Variants in MPPED2 observed in about 807,000 individuals in gnomAD.
MPPED2 encodes the protein metallophosphoesterase domain containing 2, also known as metallophosphoesterase MPPED2.
In MPPED2, 5 loss-of-function variants were observed where a neutral mutation model predicts 33.0. That is an observed-to-expected ratio of 0.15 (90% CI 0.08 to 0.32). The LOEUF is 0.32. MPPED2 is among the 10% of genes least tolerant of loss of function. MPPED2 has a pLI of 1.00. For synonymous variants in MPPED2, 136 were observed against 141.9 expected (o/e 0.96, Z 0.29); for missense variants, 275 against 372.1 (o/e 0.74, Z 2.15).
chr11:30,504,247 C>A (rs112824857), intron 3 of MPPED2, among the ~76,000 whole-genome samples: 3 of 152,098 alleles, frequency 2.0e-5, no homozygotes, highest in Non-Finnish European at 2.9e-5. Context: ...ACTTTTGAAG[C>A]CTCTCTATTT....
intron 4 of MPPED2, among the ~76,000 whole-genome samples, chr11:30,452,748 T>C (rs1312185022): frequency 1.3e-5 from 2 of 152,148 alleles, no homozygotes; most frequent in Non-Finnish European, 2.9e-5. Context: ...AGATATTCTG[T>C]CTAGCAGTGT....
chr11:30,447,120 C>T (rs926330801), intron 4 of MPPED2, among the ~76,000 whole-genome samples: 2 of 152,158 alleles, frequency 1.3e-5, no homozygotes, highest in African/African-American at 2.4e-5. Context: ...GGTAGACAGG[C>T]GGCTGTTTGT....
At chr11:30,489,862 T>C (rs1017180653) in intron 4 of MPPED2, among the ~76,000 whole-genome samples, 1 of 152,018 alleles carries the variant, frequency 6.6e-6, no homozygotes, top group Non-Finnish European at 1.5e-5. Context: ...CGGTGCAATA[T>C]AGACCTTTCA....
intron 3 of MPPED2, among the ~76,000 whole-genome samples, chr11:30,506,099 G>A (rs578248528): frequency 2.0e-5 from 3 of 152,078 alleles, no homozygotes; most frequent in African/African-American, 4.8e-5. Context: ...GTGCAGTGGC[G>A]CGATTTCAGT....
downstream of MPPED2, among the ~76,000 whole-genome samples, chr11:30,406,256 C>T (rs1947987394): frequency 1.3e-5 from 2 of 152,186 alleles, no homozygotes; most frequent in Non-Finnish European, 2.9e-5. Context: ...GCTACAAAAT[C>T]ACACTATGTC....
intron 2 of MPPED2, among the ~76,000 whole-genome samples, chr11:30,565,747 T>C (rs967570552): frequency 6.6e-6 from 1 of 152,212 alleles, no homozygotes; most frequent in African/African-American, 2.4e-5. Context: ...TTCTGTGCCA[T>C]GTAAAATTTT....
At chr11:30,447,060 C>T (rs1468584744) in intron 4 of MPPED2, among the ~76,000 whole-genome samples, 1 of 152,164 alleles carries the variant, frequency 6.6e-6, no homozygotes, top group African/African-American at 2.4e-5. Flanking sequence ...ATTAAAAGAA[C>T]ATTAGATTTG....
intron 4 of MPPED2, among the ~76,000 whole-genome samples, chr11:30,476,566 G>C (rs1263074473): frequency 6.6e-6 from 1 of 151,652 alleles, no homozygotes; most frequent in Non-Finnish European, 1.5e-5. Flanking sequence ...TATATATATG[G>C]GTCTGTTTCT....
intron 2 of MPPED2, among the ~76,000 whole-genome samples, chr11:30,579,365 C>T (rs1957067631): frequency 6.6e-6 from 1 of 152,042 alleles, no homozygotes; most frequent in African/African-American, 2.4e-5. Context: ...CAATAGTTTT[C>T]AAAGAGGTTT....
chr11:30,486,141 T>TAA (rs930641501), intron 4 of MPPED2, among the ~76,000 whole-genome samples: 2 of 152,162 alleles, frequency 1.3e-5, no homozygotes, highest in African/African-American at 4.8e-5. Flanking sequence ...TGTGGTTACC[T>TAA]AAACTAACTT....
chr11:30,503,228 G>A (rs531145432), intron 3 of MPPED2, among the ~76,000 whole-genome samples: 12 of 152,088 alleles, frequency 7.9e-5, no homozygotes, highest in Non-Finnish European at 1.6e-4. Flanking sequence ...GCCATGTGAA[G>A]AAAGACGTGT....
chr11:30,388,954 T>G, exon 7 of MPPED2: 1 of 1,560,246 alleles, frequency 6.4e-7, no homozygotes, highest in Non-Finnish European at 8.7e-7. Context: ...CTCACAGGGT[T>G]TACTAAAGGG....
chr11:30,574,588 G>A (rs1031671404), intron 2 of MPPED2, among the ~76,000 whole-genome samples: 1 of 152,290 alleles, frequency 6.6e-6, no homozygotes. Flanking sequence ...ACTTGAGCAA[G>A]TTGAGTTATA....
At chr11:30,391,003 C>T (rs1947766364) in intron 6 of MPPED2, among the ~76,000 whole-genome samples, 1 of 152,130 alleles carries the variant, frequency 6.6e-6, no homozygotes, top group Admixed American at 6.5e-5. Flanking sequence ...GACTCTAGTC[C>T]CTGACAGGAG....
intron 4 of MPPED2, among the ~76,000 whole-genome samples, chr11:30,449,180 A>G (rs1397758469): frequency 9.6e-6 from 1 of 104,000 alleles, no homozygotes; most frequent in Non-Finnish European, 1.8e-5. Flanking sequence ...AGTAAATGTT[A>G]AGAGAATGAA....
chr11:30,557,696 A>G (rs1956044222), intron 2 of MPPED2, among the ~76,000 whole-genome samples: 1 of 152,202 alleles, frequency 6.6e-6, no homozygotes, highest in African/African-American at 2.4e-5. Flanking sequence ...CCATATTCCC[A>G]TTTATATAGA....
intron 3 of MPPED2, among the ~76,000 whole-genome samples, chr11:30,510,221 A>C (rs1953078922): frequency 6.6e-6 from 1 of 152,146 alleles, no homozygotes; most frequent in African/African-American, 2.4e-5. Context: ...GACTCATGGA[A>C]AGCATCTATT....
chr11:30,579,086 T>C (rs971263458), intron 2 of MPPED2, among the ~76,000 whole-genome samples: 1 of 150,244 alleles, frequency 6.7e-6, no homozygotes, highest in African/African-American at 2.5e-5. Context: ...ACTGACTCGC[T>C]CTCCAGAATA....
chr11:30,580,475 A>C lies in MPPED2; in HGVS notation c.-102T>G, dbSNP rs1215004573. Reference sequence around the variant, plus strand: ...AACCTCTGAATCCAAGGATCTACTCATCAATACCGCTGTGCATTTCTGAAA... The same window carrying C: ...AACCTCTGAATCCAAGGATCTACTCCTCAATACCGCTGTGCATTTCTGAAA... On this transcript the variant is annotated 5_prime_UTR_variant, in exon 2 of 7. The change abolishes an upstream ATG in the 5' untranslated region. Coordinates refer to ENST00000358117, the MANE Select transcript of MPPED2 (RefSeq NM_001584.3). 7.2e-6 allele frequency: 11 copies of C among 1,518,680 alleles called. No homozygotes were observed. The highest frequency in any genetic ancestry group is 8.8e-6 in the Non-Finnish European group (10 of 1,131,408). 94.1% of individuals were successfully genotyped at this position (1,518,680 alleles called of 1,614,324 possible). A position where few individuals can be genotyped will look rare whatever the true frequency, so the allele number is the denominator to read the frequency against.
Sources: allele counts gnomAD v4.1 joint callset (sites outside exome capture counted in the v4.1 genomes callset), GRCh38; gene constraint gnomAD v4.1.1; transcripts MANE v1.5; gene names NCBI Gene and HGNC (gene_info 2026-07-23, HGNC 2026-07-21).